ELAVL1: variants seen among roughly 807,000 people sequenced by gnomAD.
ELAVL1 encodes the protein ELAV like RNA binding protein 1, also known as ELAV-like protein 1.
ELAVL1 carries 1 observed loss-of-function variant against 28.4 expected under a neutral mutation model. The observed-to-expected ratio is 0.04, with a 90% confidence interval of 0.01 to 0.17. The LOEUF is 0.17. Ranked by LOEUF, ELAVL1 falls within the 10% of genes least tolerant of loss-of-function variation. The pLI, the probability that ELAVL1 is intolerant of heterozygous loss-of-function variation, is 1.00. For missense variants in ELAVL1, 157 were observed against 447.2 expected (o/e 0.35, Z 5.85); for synonymous variants, 174 against 183.5 (o/e 0.95, Z 0.42).
chr19:7,976,550 ACCACCAGCCTCCACCAGAAG>A (rs1488314851), intron 3 of ELAVL1, among the ~76,000 whole-genome samples: 1 of 152,208 alleles, frequency 6.6e-6, no homozygotes, highest in Non-Finnish European at 1.5e-5. Context: ...AGTGCCAGAG[ACCACCAGCCTCCACCAGAAG>A]CTGTGAGAGA....
At position 7,979,743 on chromosome 19, in the gene ELAVL1, C is replaced by T. The variant is rs555184591; in HGVS notation, c.276+1340G>A. ...GAGTGGCGCGCCTGCCCTCAGGGAG[C>T]CCACTGCACACCACGTCCATGCGGC... On this transcript the variant is annotated intron_variant, in intron 3 of 5. Coordinates refer to ENST00000407627, the MANE Select transcript of ELAVL1 (RefSeq NM_001419.3). The surrounding 1 kb of genome is among the most constrained non-coding windows in gnomAD (Gnocchi z 5.4). Among the ~76,000 whole-genome samples, 5 of 152,352 alleles carry T rather than the reference C, an allele frequency of 3.3e-5. No homozygotes were observed. The South Asian group carries it at 1.0e-3, about 32-fold the overall frequency.
At chr19:7,975,055 T>C (rs1048444659) in intron 3 of ELAVL1, among the ~76,000 whole-genome samples, 4 of 152,048 alleles carry the variant, frequency 2.6e-5, no homozygotes, top group Non-Finnish European at 5.9e-5. Context: ...ATGAGGTCTC[T>C]GGGGAAGCCG....
At chr19:7,998,346 C>A (rs528979157) in intron 1 of ELAVL1, among the ~76,000 whole-genome samples, 1 of 152,326 alleles carries the variant, frequency 6.6e-6, no homozygotes, top group African/African-American at 2.4e-5. Flanking sequence ...AGATGCTCAC[C>A]CCTCTGGTAT....
chr19:7,975,832 T>A (rs1331197344), intron 3 of ELAVL1, among the ~76,000 whole-genome samples: 1 of 152,154 alleles, frequency 6.6e-6, no homozygotes, highest in East Asian at 1.9e-4. Context: ...TTAGGCCAGG[T>A]GTGGTGGCGC....
At position 7,986,615 on chromosome 19, in the gene ELAVL1, T is replaced by C. The variant is rs577783537; in HGVS notation, c.172+5029A>G. On this transcript the variant is annotated intron_variant, in intron 2 of 5. Transcript: ENST00000407627. ...CCAAGAGCCTTTAAAAGGTGCGCTC[T>C]CCCATCTGCCGCTTCACCGGCAGGA... Among the ~76,000 whole-genome samples the C allele has an allele frequency of 1.8e-3, 281 of 152,320 alleles. 1 individual carries two copies. The highest frequency in any genetic ancestry group is 6.5e-3 in the African/African-American group (269 of 41,558).
At chr19:7,975,645 G>A (rs965567007) in intron 3 of ELAVL1, among the ~76,000 whole-genome samples, 17 of 152,234 alleles carry the variant, frequency 1.1e-4, no homozygotes, top group African/African-American at 3.6e-4. Flanking sequence ...GGGTTCAATC[G>A]TGTTCCCCCC....
rs1479955929 is a variant in ELAVL1 at position 7,979,598 on chromosome 19, G to C, written c.276+1485C>G. Among the ~76,000 whole-genome samples the C allele has an allele frequency of 1.3e-5, 2 of 152,224 alleles. No homozygotes were observed. Among genetic ancestry groups the C allele is most frequent in the African/African-American group, 4.8e-5 (2 of 41,450 alleles). ...TCCAGGGCCAAGGATAAGCCACCTGGGGCTGGAGGCGAGGAAGGGCTGCCC... is the reference window on the plus strand; with the variant it reads ...TCCAGGGCCAAGGATAAGCCACCTGCGGCTGGAGGCGAGGAAGGGCTGCCC... On this transcript the variant is annotated intron_variant, in intron 3 of 5. Transcript: ENST00000407627. The surrounding 1 kb of genome is among the most constrained non-coding windows in gnomAD (Gnocchi z 5.4).
At chr19:8,003,381 G>GAAAAAAA (rs71165249) in intron 1 of ELAVL1, among the ~76,000 whole-genome samples, 9 of 88,738 alleles carry the variant, frequency 1.0e-4, no homozygotes, top group South Asian at 3.9e-4. Flanking sequence ...AAAAGAAAAA[G>GAAAAAAA]AAAAAAAAAA....
rs558337573 is a variant in ELAVL1 at position 7,980,933 on chromosome 19, CAG to C, written c.276+148_276+149del. The C allele has an allele frequency of 3.7e-4, 284 of 764,946 alleles. 4 individuals carry two copies. The South Asian group carries it at 4.2e-3, about 11-fold the overall frequency. 47.4% of individuals were successfully genotyped at this position (764,946 alleles called of 1,614,324 possible). A position where few individuals can be genotyped will look rare whatever the true frequency, so the allele number is the denominator to read the frequency against. On this transcript the variant is annotated intron_variant, in intron 3 of 5. Transcript: ENST00000407627. Reference sequence around the variant, plus strand: ...TGAGACACTCATGTAAGGCCTGGGTCAGATACACCTGACCAGGGTATCTGATG... The same window carrying C: ...TGAGACACTCATGTAAGGCCTGGGTCATACACCTGACCAGGGTATCTGATG...
chr19:7,987,922 A>G (rs1053006843), intron 2 of ELAVL1, among the ~76,000 whole-genome samples: 2 of 152,132 alleles, frequency 1.3e-5, no homozygotes, highest in African/African-American at 4.8e-5. Flanking sequence ...CACGACCAGG[A>G]CCTGAACGGT....
intron 1 of ELAVL1, among the ~76,000 whole-genome samples, chr19:8,002,766 G>C (rs554332742): frequency 6.6e-6 from 1 of 152,304 alleles, no homozygotes; most frequent in Admixed American, 6.5e-5. Context: ...AGGTGGAAGA[G>C]ATCTGTCTCC....
chr19:7,978,029 C>G (rs562196816), intron 3 of ELAVL1, among the ~76,000 whole-genome samples: 5 of 152,264 alleles, frequency 3.3e-5, no homozygotes, highest in Non-Finnish European at 7.3e-5. Flanking sequence ...TCCTCTGGCA[C>G]TGGCCACTAT....
chr19:7,966,031 C>G (rs545638915), intron 5 of ELAVL1, among the ~76,000 whole-genome samples: 1 of 152,266 alleles, frequency 6.6e-6, no homozygotes, highest in East Asian at 1.9e-4. Flanking sequence ...CAGCGCCCAC[C>G]CAGCTTCACT....
intron 5 of ELAVL1, among the ~76,000 whole-genome samples, chr19:7,964,546 C>G (rs2145199025): frequency 6.6e-6 from 1 of 152,160 alleles, no homozygotes; most frequent in East Asian, 1.9e-4. Flanking sequence ...AAAAATAAGC[C>G]TTTCTGGGCC....
Position 7,973,726 on chromosome 19 carries a change from T to A in ELAVL1, c.429A>T (p.Thr143=). ...ACGCGTCTGGGGCCCCTCTGGTACC[T>A]GTAGTCTGATCCACGAGGACCCGCG... ...INSRVLVDQT[T]GLSRGVAFIR... Residue 143 remains threonine, a splice_region_variant and synonymous_variant, in exon 4 of 6, where the codon ACA becomes ACT. Transcript: ENST00000407627. 1 of 1,613,894 alleles carries A rather than the reference T, an allele frequency of 6.2e-7. No homozygotes were observed. The highest frequency in any genetic ancestry group is 8.5e-7 in the Non-Finnish European group (1 of 1,179,872).
At chr19:8,004,185 T>C (rs1221449989) in intron 1 of ELAVL1, among the ~76,000 whole-genome samples, 1 of 152,232 alleles carries the variant, frequency 6.6e-6, no homozygotes, top group Admixed American at 6.5e-5. Flanking sequence ...GGTGGCTATG[T>C]ACAACATCAT....
chr19:7,974,925 T>C (rs1323964911), intron 3 of ELAVL1, among the ~76,000 whole-genome samples: 5 of 152,158 alleles, frequency 3.3e-5, no homozygotes, highest in Admixed American at 6.5e-5. Flanking sequence ...CCCCTGCTCA[T>C]AGGGCAGTGG....
At chr19:7,993,738 C>G (rs931268828) in intron 1 of ELAVL1, among the ~76,000 whole-genome samples, 3 of 151,714 alleles carry the variant, frequency 2.0e-5, no homozygotes, top group African/African-American at 7.3e-5. Flanking sequence ...AGAGCCCATC[C>G]CTTTCCCCAG....
rs1365590599 is a variant in ELAVL1, at chr19:7,999,322, A to C, written c.-17+6173T>G. Among the ~76,000 whole-genome samples the C allele has an allele frequency of 3.9e-5, 6 of 152,292 alleles. No homozygotes were observed. The East Asian group carries it at 9.6e-4, about 24-fold the overall frequency. ...CGGGAGGCAGAGGTTGCAGTGAGTCAAAATCACGCCACTGCACTCCAGCCT... is the reference window on the plus strand; with the variant it reads ...CGGGAGGCAGAGGTTGCAGTGAGTCCAAATCACGCCACTGCACTCCAGCCT... On this transcript the variant is annotated intron_variant, in intron 1 of 5. Coordinates refer to ENST00000407627, the MANE Select transcript of ELAVL1 (RefSeq NM_001419.3).
Sources: allele counts gnomAD v4.1 joint callset (sites outside exome capture counted in the v4.1 genomes callset), GRCh38; gene constraint gnomAD v4.1.1; non-coding constraint Gnocchi (gnomAD v3.1); transcripts MANE v1.5; gene names NCBI Gene and HGNC (gene_info 2026-07-23, HGNC 2026-07-21).